Variants in CDK14 observed in about 807,000 individuals in gnomAD.
CDK14 encodes cyclin-dependent kinase 14.
In CDK14, 34 loss-of-function variants were observed where a neutral mutation model predicts 60.7. The ratio of observed to expected loss-of-function variants is 0.56; its 90% CI spans 0.43 to 0.75. CDK14 has a LOEUF of 0.75. Ranked by LOEUF, CDK14 falls within the 30% of genes least tolerant of loss-of-function variation. The pLI, the probability that CDK14 is intolerant of heterozygous loss-of-function variation, is 0.00. For synonymous variants in CDK14, 197 were observed against 203.7 expected (o/e 0.97, Z 0.28); for missense variants, 482 against 564.1 (o/e 0.85, Z 1.47).
intron 10 of CDK14, among the ~76,000 whole-genome samples, chr7:91,035,833 CTT>C (rs34091498): frequency 2.0e-5 from 2 of 99,228 alleles, no homozygotes; most frequent in African/African-American, 3.9e-5. Flanking sequence ...GCTTCATGGT[CTT>C]TTTTTTTTTT....
chr7:90,991,763 G>A (rs1350372730), intron 10 of CDK14, among the ~76,000 whole-genome samples: 1 of 152,162 alleles, frequency 6.6e-6, no homozygotes, highest in Non-Finnish European at 1.5e-5. Flanking sequence ...GACTTTCCAT[G>A]GTTATTCAAA....
chr7:90,984,459 T>C (rs1005628686), intron 10 of CDK14, among the ~76,000 whole-genome samples: 10 of 152,200 alleles, frequency 6.6e-5, no homozygotes, highest in Non-Finnish European at 1.5e-4. Context: ...TAAGAAGGAA[T>C]GGGGTGGGAG....
At chr7:90,659,875 C>CTCTCTCTCTCTCTCTCTG (rs1235758434) in intron 2 of CDK14, among the ~76,000 whole-genome samples, 1 of 128,976 alleles carries the variant, frequency 7.8e-6, no homozygotes. Context: ...CTCTCTCTCT[C>CTCTCTCTCTCTCTCTCTG]TGTGTGTGTG....
chr7:90,829,956 A>G (rs754940603), intron 5 of CDK14, among the ~76,000 whole-genome samples: 10 of 152,204 alleles, frequency 6.6e-5, no homozygotes, highest in Admixed American at 1.3e-4. Context: ...TTTGCCAGGT[A>G]GAGCCCCCAT....
chr7:90,633,770 A>G (rs1351090313), intron 2 of CDK14, among the ~76,000 whole-genome samples: 1 of 152,068 alleles, frequency 6.6e-6, no homozygotes, highest in Non-Finnish European at 1.5e-5. Context: ...TATGATGGGT[A>G]TATTGTAAAT....
intron 4 of CDK14, among the ~76,000 whole-genome samples, chr7:90,765,810 C>T (rs770732641): frequency 6.6e-5 from 10 of 151,720 alleles, no homozygotes; most frequent in Non-Finnish European, 1.2e-4. Context: ...GGGGAATAAT[C>T]GAGTATGTAT....
chr7:90,802,089 G>A (rs1210972726), intron 5 of CDK14, among the ~76,000 whole-genome samples: 3 of 152,174 alleles, frequency 2.0e-5, no homozygotes, highest in Non-Finnish European at 4.4e-5. Context: ...GCAGGGAGAG[G>A]AAGAAAGGAC....
chr7:91,089,278 G>A (rs935447432), intron 12 of CDK14, among the ~76,000 whole-genome samples: 14 of 151,952 alleles, frequency 9.2e-5, no homozygotes, highest in African/African-American at 2.4e-4. Flanking sequence ...AATGACTGTC[G>A]ACATACTTTT....
intron 2 of CDK14, chr7:90,709,824 T>G: frequency 7.9e-6 from 11 of 1,395,348 alleles, no homozygotes; most frequent in East Asian, 2.8e-5. Flanking sequence ...AGTACGGCCG[T>G]ACCATTTCAG....
At chr7:91,104,692 A>G (rs906868504) in intron 12 of CDK14, among the ~76,000 whole-genome samples, 1 of 152,202 alleles carries the variant, frequency 6.6e-6, no homozygotes, top group African/African-American at 2.4e-5. Flanking sequence ...ATGGAATTAT[A>G]TATCTATAAG....
rs577060022 is a variant in CDK14, at chr7:91,195,825, A to G, written c.*29-11340A>G. Reference sequence around the variant, plus strand: ...AGCCTCCAACACCTCCTCTCTGCATATAGAAGAAAGCCCAGACCCCTAAGC... The same window carrying G: ...AGCCTCCAACACCTCCTCTCTGCATGTAGAAGAAAGCCCAGACCCCTAAGC... On this transcript the variant is annotated intron_variant, in intron 14 of 14. Coordinates refer to ENST00000380050, the MANE Select transcript of CDK14 (RefSeq NM_001287135.2). Among the ~76,000 whole-genome samples the G allele has an allele frequency of 3.9e-5, 6 of 152,258 alleles. No homozygotes were observed. The South Asian group carries it at 1.2e-3, about 32-fold the overall frequency.
intron 2 of CDK14, among the ~76,000 whole-genome samples, chr7:90,682,309 A>T (rs575233420): frequency 2.0e-4 from 31 of 152,180 alleles, no homozygotes; most frequent in Non-Finnish European, 4.1e-4. Context: ...ACATTTTAAA[A>T]CTTTTTCTTT....
chr7:91,057,424 T>C (rs1248127578), intron 11 of CDK14, among the ~76,000 whole-genome samples: 3 of 152,094 alleles, frequency 2.0e-5, no homozygotes, highest in Admixed American at 2.0e-4. Flanking sequence ...ATCCCATTTG[T>C]CAATTTTGGC....
rs189935300 is a variant in CDK14, at chr7:90,716,566, T to G, written c.124-10001T>G. ...ATGTCATATATGCTGCTATAACCCA[T>G]GTATATTCTTTCTTCTCTACTCATC... On this transcript the variant is annotated intron_variant, in intron 2 of 14. Transcript: ENST00000380050. Among the ~76,000 whole-genome samples, 33 of 152,240 alleles carry G rather than the reference T, an allele frequency of 2.2e-4. 1 individual carries two copies. The highest frequency in any genetic ancestry group is 7.7e-4 in the African/African-American group (32 of 41,564).
At chr7:90,944,471 G>A (rs1794039401) in intron 8 of CDK14, among the ~76,000 whole-genome samples, 2 of 152,226 alleles carry the variant, frequency 1.3e-5, no homozygotes, top group Non-Finnish European at 2.9e-5. Flanking sequence ...AGTGCCCCAC[G>A]CCTGTAATCT....
chr7:91,199,071 G>A (rs1404979097), intron 14 of CDK14, among the ~76,000 whole-genome samples: 2 of 152,122 alleles, frequency 1.3e-5, no homozygotes, highest in Non-Finnish European at 2.9e-5. Context: ...TATAAGGAGG[G>A]TTAAGGGTCA....
intron 14 of CDK14, among the ~76,000 whole-genome samples, chr7:91,194,426 G>C (rs187351511): frequency 1.3e-5 from 2 of 151,836 alleles, no homozygotes; most frequent in Non-Finnish European, 2.9e-5. Flanking sequence ...GAGCTGATTG[G>C]GCTGATTTTT....
At chr7:90,604,418 A>G (rs1799376911) in intron 2 of CDK14, among the ~76,000 whole-genome samples, 169 bp downstream of exon 2, 1 of 152,224 alleles carries the variant, frequency 6.6e-6, no homozygotes, top group East Asian at 1.9e-4. Context: ...AATCGTTCAA[A>G]TGAGTTTTGG....
intron 10 of CDK14, among the ~76,000 whole-genome samples, chr7:91,003,611 T>C (rs1261413912): frequency 6.6e-6 from 1 of 152,180 alleles, no homozygotes; most frequent in Non-Finnish European, 1.5e-5. Flanking sequence ...ATCTACATAG[T>C]AGAAGCTGGG....
Sources: gnomAD v4.1 joint callset for allele counts (sites outside exome capture counted in the v4.1 genomes callset) on GRCh38, gnomAD v4.1.1 for gene constraint, MANE v1.5 for transcripts, NCBI Gene and HGNC (gene_info 2026-07-23, HGNC 2026-07-21) for gene names.